The following GPR63 variants were observed in gnomAD, a reference collection of about 807,000 sequenced individuals.
GPR63 encodes probable G protein-coupled receptor 63.
A neutral mutation model predicts 23.1 loss-of-function variants in GPR63; 12 were observed. The observed-to-expected ratio is 0.52, with a 90% CI of 0.33 to 0.84. GPR63 has a LOEUF of 0.84. GPR63 is among the 40% of genes least tolerant of loss of function. The probability of loss-of-function intolerance (pLI) is 0.02; values close to 1 mark genes in which losing one functional copy is unlikely to be tolerated. For missense variants in GPR63, 472 were observed against 515.6 expected, an observed-to-expected ratio of 0.92 and a Z score of 0.82; for synonymous variants, 172 against 191.1, an observed-to-expected ratio of 0.90 and a Z score of 0.82.
At chr6:96,830,849 AAGTGACC>A (rs1774561901) in intron 1 of GPR63, among the ~76,000 whole-genome samples, 2 of 152,334 alleles carry the variant, frequency 1.3e-5, no homozygotes, top group Middle Eastern at 3.4e-3. Context: ...TTGTTACTAG[AAGTGACC>A]ACATGCTTCT....
intron 1 of GPR63, among the ~76,000 whole-genome samples, chr6:96,803,041 T>C (rs915732661): frequency 2.6e-5 from 4 of 152,158 alleles, no homozygotes; most frequent in African/African-American, 9.7e-5. Flanking sequence ...CGTATCTCCA[T>C]TTCAGTAGCC....
chr6:96,801,276 C>T (rs1056914620), intron 1 of GPR63, among the ~76,000 whole-genome samples: 13 of 151,424 alleles, frequency 8.6e-5, no homozygotes, highest in African/African-American at 2.2e-4. Context: ...CTCAGCTCAC[C>T]GCAACCTCCG....
intron 1 of GPR63, among the ~76,000 whole-genome samples, chr6:96,835,057 C>T (rs1054033681): frequency 3.9e-5 from 6 of 152,116 alleles, no homozygotes; most frequent in African/African-American, 9.7e-5. Flanking sequence ...TAAGAAATGC[C>T]TGGTTCAATT....
chr6:96,800,207 T>C (rs1412591895), intron 1 of GPR63, among the ~76,000 whole-genome samples: 1 of 152,238 alleles, frequency 6.6e-6, no homozygotes, highest in Non-Finnish European at 1.5e-5. Context: ...TAAATGTTAA[T>C]TTTAATTTTC....
intron 1 of GPR63, among the ~76,000 whole-genome samples, chr6:96,802,540 A>ATT (rs34928062): frequency 0.011 from 1,543 of 136,378 alleles, 24 homozygotes; most frequent in Non-Finnish European, 0.012. Flanking sequence ...ATTTTTTCTA[A>ATT]TTTTTTTTTT....
chr6:96,794,516 T>C lies in GPR63; in HGVS notation c.*3956A>G, dbSNP rs1467852702. The C allele has an allele frequency of 5.9e-5, 9 of 152,150 alleles. No individual in the cohort carries two copies. Among genetic ancestry groups the C allele is most frequent in the Non-Finnish European group, 7.4e-5 (5 of 68,026 alleles). The allele number at this position is 152,150 out of a possible 1,614,324, so 9.4% of individuals were successfully genotyped here. A position where few individuals can be genotyped will look rare whatever the true frequency, so the allele number is the denominator to read the frequency against. Reference sequence around the variant, plus strand: ...AGCAAGTGAAAACTTTTCTGTGATATATACAGAAATGATACATATGTAAAT... The same window carrying C: ...AGCAAGTGAAAACTTTTCTGTGATACATACAGAAATGATACATATGTAAAT... On this transcript the variant is annotated 3_prime_UTR_variant, in exon 2 of 2. Transcript: ENST00000229955.
At chr6:96,813,448 ATT>A (rs1462440331) in intron 1 of GPR63, among the ~76,000 whole-genome samples, 1 of 152,170 alleles carries the variant, frequency 6.6e-6, no homozygotes, top group Non-Finnish European at 1.5e-5. Flanking sequence ...AGCATGTTTA[ATT>A]TCCATATATT....
intron 1 of GPR63, among the ~76,000 whole-genome samples, chr6:96,830,920 C>T (rs1261652418): frequency 1.3e-5 from 2 of 151,976 alleles, no homozygotes; most frequent in Non-Finnish European, 2.9e-5. Context: ...CTGGCTAAGA[C>T]GAAGTTTCAT....
At chr6:96,803,825 G>A (rs1009497872) in intron 1 of GPR63, among the ~76,000 whole-genome samples, 5 of 152,200 alleles carry the variant, frequency 3.3e-5, no homozygotes, top group Admixed American at 6.5e-5. Flanking sequence ...AACAGACAGC[G>A]TAGGTTGGTA....
Position 96,823,171 on chromosome 6 carries a change from A to G in GPR63, c.-151+14097T>C, listed in dbSNP as rs148115809. Among the ~76,000 whole-genome samples the G allele has an allele frequency of 4.0e-3, 611 of 152,268 alleles. 4 individuals carry two copies. The highest frequency in any genetic ancestry group is 0.014 in the African/African-American group (568 of 41,562). ...ATGTATTTACTACTCTATATTTTTA[A>G]TTTTTATTTTAGAGTACTACTTATT... On this transcript the variant is annotated intron_variant, in intron 1 of 1. Transcript: ENST00000229955.
chr6:96,812,119 T>C (rs1774061190), intron 1 of GPR63, among the ~76,000 whole-genome samples: 3 of 152,042 alleles, frequency 2.0e-5, no homozygotes, highest in Admixed American at 2.0e-4. Context: ...AAGTTATTTT[T>C]TATATAGGGC....
chr6:96,832,841 C>G (rs1774623575), intron 1 of GPR63, among the ~76,000 whole-genome samples: 1 of 151,622 alleles, frequency 6.6e-6, no homozygotes, highest in East Asian at 1.9e-4. Context: ...TATACATGAA[C>G]TATAGAAACA....
chr6:96,811,449 TTGTGACA>T (rs1354483624), intron 1 of GPR63, among the ~76,000 whole-genome samples: 1 of 152,212 alleles, frequency 6.6e-6, no homozygotes, highest in Non-Finnish European at 1.5e-5. Context: ...AGGAGAGCTC[TTGTGACA>T]TTATGGAGCA....
chr6:96,835,278 G>A (rs1168404239), intron 1 of GPR63, among the ~76,000 whole-genome samples: 3 of 152,038 alleles, frequency 2.0e-5, no homozygotes, highest in Admixed American at 6.5e-5. Context: ...TGGTGCACAT[G>A]TATTATTAGG....
Position 96,799,787 on chromosome 6 carries a change from A to G in GPR63, c.-56T>C, listed in dbSNP as rs1773714186. ...GATGCAGGAGTTCTTCAAGCATTTCAACACAGAACAGCAGTATCAGGTCCC... is the reference window on the plus strand; with the variant it reads ...GATGCAGGAGTTCTTCAAGCATTTCGACACAGAACAGCAGTATCAGGTCCC... On this transcript the variant is annotated 5_prime_UTR_variant, in exon 2 of 2. The change abolishes the stop of an existing upstream ORF in the 5' untranslated region. Transcript: ENST00000229955. 1.3e-6 allele frequency: 2 copies of G among 1,565,954 alleles called. No individual in the cohort carries two copies. Among genetic ancestry groups the G allele is most frequent in the Non-Finnish European group, 1.8e-6 (2 of 1,136,286 alleles).
intron 1 of GPR63, among the ~76,000 whole-genome samples, chr6:96,824,268 G>GA (rs1040219188): frequency 6.6e-6 from 1 of 151,850 alleles, no homozygotes; most frequent in African/African-American, 2.4e-5. Flanking sequence ...ATGTGGTCCT[G>GA]AAAAAAAGTC....
chr6:96,811,551 C>A (rs989549831), intron 1 of GPR63, among the ~76,000 whole-genome samples: 4 of 152,264 alleles, frequency 2.6e-5, no homozygotes, highest in Non-Finnish European at 4.4e-5. Flanking sequence ...ACACTCTTAG[C>A]CAACAAGAAT....
At position 96,799,699 on chromosome 6, in the gene GPR63, A is replaced by G. The variant is rs753270626; in HGVS notation, c.33T>C (p.His11=). 1.9e-6 allele frequency: 3 copies of G among 1,614,218 alleles called. No individual in the cohort carries two copies. In the South Asian group the frequency reaches 3.3e-5, roughly 18 times the overall value. ...CAAATGTTGTGTTGGATGTCCCGGT[A>G]TGGAACGCAGTCAACACTGCCGAGA... The part of the protein sequence containing the change: MVFSAVLTAF[H]TGTSNTTFVV... Residue 11 remains histidine, a synonymous_variant, in exon 2 of 2, where the codon CAT becomes CAC. Transcript: ENST00000229955.
Position 96,831,356 on chromosome 6 carries a change from T to C in GPR63, c.-151+5912A>G, listed in dbSNP as rs146582059. On this transcript the variant is annotated intron_variant, in intron 1 of 1. Transcript: ENST00000229955. ...GCTAAATCTCTATAAAATGGGGTTA[T>C]TTCATTTGGAAAAAGCACTAGACAA... is the stretch of plus-strand genomic sequence containing the variant. Among the ~76,000 whole-genome samples, 26 of 152,176 alleles carry C rather than the reference T, an allele frequency of 1.7e-4. No homozygotes were observed. In the East Asian group the frequency reaches 4.1e-3, roughly 24 times the overall value.
Sources: allele counts gnomAD v4.1 joint callset (sites outside exome capture counted in the v4.1 genomes callset), GRCh38; gene constraint gnomAD v4.1.1; transcripts MANE v1.5; gene names NCBI Gene and HGNC (gene_info 2026-07-23, HGNC 2026-07-21).